Variants in GPR148 observed in about 807,000 individuals in gnomAD.
GPR148 encodes the protein probable G protein-coupled receptor 148.
For missense variants in GPR148, 424 were observed against 435.3 expected (o/e 0.97, Z 0.23); for synonymous variants, 173 against 187.9 (o/e 0.92, Z 0.65).
rs1688447162 is a variant in GPR148 at position 130,729,702 on chromosome 2, T to C, written c.551T>C (p.Ile184Thr). 1.9e-6 allele frequency: 3 copies of C among 1,614,258 alleles called. No homozygotes were observed. The highest frequency in any genetic ancestry group is 1.3e-5 in the African/African-American group (1 of 75,070). The change falls in exon 1 of 1, where the codon ATT (isoleucine) becomes ACT (threonine). Residue 184 changes from isoleucine (I) to threonine (T), a missense_variant. By Grantham distance (89) the Ile-to-Thr change is moderately conservative (BLOSUM62 -1). Transcript: ENST00000309926. ...GCCTGCTGCTTCCCCACATTCCTTA[T>C]TTGGCTCAGCAAGTGGCAGGATGCC... ...LVACCFPTFL[I>T]WLSKWQDAQL...
At position 130,730,065 on chromosome 2, in the gene GPR148, G is replaced by A. The variant is rs988672422; in HGVS notation, c.914G>A (p.Ser305Asn). The change falls in exon 1 of 1, where the codon AGT becomes AAT. Residue 305 changes from serine to asparagine, a missense_variant. Physicochemically the swap from Ser to Asn is conservative, Grantham distance 46 (BLOSUM62 1). Coordinates refer to ENST00000309926, the MANE Select transcript of GPR148 (RefSeq NM_207364.2). ...GTHTWLLAAN[S>N]EVLMMLPRAM... Reference sequence around the variant, plus strand: ...CACACATGGCTCCTGGCAGCTAACAGTGAGGTACTCATGATGCTTCCCCGT... The same window carrying A: ...CACACATGGCTCCTGGCAGCTAACAATGAGGTACTCATGATGCTTCCCCGT... 6.2e-7 allele frequency: 1 copy of A among 1,601,920 alleles called. No individual in the cohort carries two copies. Among genetic ancestry groups the A allele is most frequent in the African/African-American group, 1.3e-5 (1 of 74,762 alleles).
rs78186490 is a variant in GPR148, at chr2:130,729,569, A to G, written c.418A>G (p.Thr140Ala). Residue 140 changes from threonine to alanine, a missense_variant, in exon 1 of 1, where the codon ACC (threonine) becomes GCC (alanine). By Grantham distance (58) the Thr-to-Ala change is moderately conservative (BLOSUM62 0). Transcript: ENST00000309926. ...CTGCACCAGCACCATCCTGTCCTTCACCGCCATTGTGCTGCACACCTACCT... is the reference window on the plus strand; with the variant it reads ...CTGCACCAGCACCATCCTGTCCTTCGCCGCCATTGTGCTGCACACCTACCT... ...AACTSTILSF[T>A]AIVLHTYLAV... 3.1e-6 allele frequency: 5 copies of G among 1,613,876 alleles called. No individual in the cohort carries two copies. The highest frequency in any genetic ancestry group is 4.2e-6 in the Non-Finnish European group (5 of 1,179,966).
chr2:130,729,709 C>T lies in GPR148; in HGVS notation c.558C>T (p.Leu186=), dbSNP rs372992857. The change falls in exon 1 of 1, where the codon CTC becomes CTT. Residue 186 remains leucine, a synonymous_variant. Coordinates refer to ENST00000309926, the MANE Select transcript of GPR148 (RefSeq NM_207364.2). ...ACCFPTFLIW[L]SKWQDAQLEE... is the part of the protein sequence containing the mutation. Reference sequence around the variant, plus strand: ...GCTTCCCCACATTCCTTATTTGGCTCAGCAAGTGGCAGGATGCCCAGCTGG... The same window carrying T: ...GCTTCCCCACATTCCTTATTTGGCTTAGCAAGTGGCAGGATGCCCAGCTGG... 19 of 1,614,264 alleles carry T rather than the reference C, an allele frequency of 1.2e-5. No homozygotes were observed. In the African/African-American group the frequency reaches 2.1e-4, roughly 18 times the overall value.
In GPR148 at chr2:130,729,575, A is replaced by G; in HGVS notation, c.424A>G (p.Ile142Val). ...CTSTILSFTA[I>V]VLHTYLAVIH... ...CAGCACCATCCTGTCCTTCACCGCCATTGTGCTGCACACCTACCTGGCAGT... is the reference window on the plus strand; with the variant it reads ...CAGCACCATCCTGTCCTTCACCGCCGTTGTGCTGCACACCTACCTGGCAGT... Residue 142 changes from isoleucine (I) to valine (V), a missense_variant, in exon 1 of 1, where the codon ATT becomes GTT. Ile to Val is a conservative substitution (Grantham distance 29). Coordinates refer to ENST00000309926, the MANE Select transcript of GPR148 (RefSeq NM_207364.2). 6.2e-7 allele frequency: 1 copy of G among 1,614,134 alleles called. No individual in the cohort carries two copies. The highest frequency in any genetic ancestry group is 8.5e-7 in the Non-Finnish European group (1 of 1,179,996).
chr2:130,729,636 A>C lies in GPR148; in HGVS notation c.485A>C (p.His162Pro). ...HPLRYLSFMS[H>P]GAAWKAVALI... is the part of the protein sequence containing the mutation. The stretch of plus-strand genomic sequence containing the variant: ...CTGCGCTACCTCTCCTTCATGTCCC[A>C]TGGGGCTGCCTGGAAGGCAGTGGCC... The change falls in exon 1 of 1, where the codon CAT (histidine) becomes CCT (proline). Residue 162 changes from histidine to proline, a missense_variant. By Grantham distance (77) the His-to-Pro change is moderately conservative. Coordinates refer to ENST00000309926, the MANE Select transcript of GPR148 (RefSeq NM_207364.2). 1.2e-6 allele frequency: 2 copies of C among 1,614,168 alleles called. No individual in the cohort carries two copies. The highest frequency in any genetic ancestry group is 1.7e-6 in the Non-Finnish European group (2 of 1,180,010).
rs1688439444 is a variant in GPR148, at chr2:130,729,368, A to C, written c.217A>C (p.Thr73Pro). The C allele has an allele frequency of 6.2e-7, 1 of 1,613,988 alleles. No homozygotes were observed. Among genetic ancestry groups the C allele is most frequent in the Admixed American group, 1.7e-5 (1 of 60,000 alleles). ...TLAVSPLLLV[T>P]ILRNQRLRQE... Reference sequence around the variant, plus strand: ...GGCTGTCAGCCCCCTGCTGCTGGTGACCATCCTGCGGAACCAACGGCTGCG... The same window carrying C: ...GGCTGTCAGCCCCCTGCTGCTGGTGCCCATCCTGCGGAACCAACGGCTGCG... The change falls in exon 1 of 1, where the codon ACC becomes CCC. Residue 73 changes from threonine (T) to proline (P), a missense_variant. Physicochemically the swap from Thr to Pro is conservative, Grantham distance 38. Coordinates refer to ENST00000309926, the MANE Select transcript of GPR148 (RefSeq NM_207364.2).
At chr2:130,729,245 GC>G in the GPR148 span, 1 of 1,609,298 alleles carries the variant, frequency 6.2e-7, no homozygotes, top group South Asian at 1.1e-5. Flanking sequence ...GCCCCAAGCA[GC>G]CAGCAACACT....
Position 130,729,684 on chromosome 2 carries a change from G to C in GPR148, c.533G>C (p.Cys178Ser). 6.2e-7 allele frequency: 1 copy of C among 1,614,280 alleles called. No homozygotes were observed. The highest frequency in any genetic ancestry group is 8.5e-7 in the Non-Finnish European group (1 of 1,180,050). Residue 178 changes from cysteine (C) to serine (S), a missense_variant, in exon 1 of 1, where the codon TGC (cysteine) becomes TCC (serine). By Grantham distance (112) the Cys-to-Ser change is moderately radical. Coordinates refer to ENST00000309926, the MANE Select transcript of GPR148 (RefSeq NM_207364.2). ...GCCCTCATCTGGCTGGTGGCCTGCTGCTTCCCCACATTCCTTATTTGGCTC... is the reference window on the plus strand; with the variant it reads ...GCCCTCATCTGGCTGGTGGCCTGCTCCTTCCCCACATTCCTTATTTGGCTC... ...AVALIWLVACCFPTFLIWLSK... is the reference protein window; with the variant it reads ...AVALIWLVACSFPTFLIWLSK...
chr2:130,729,487 T>A lies in GPR148; in HGVS notation c.336T>A (p.Gly112=). The change falls in exon 1 of 1, where the codon GGT becomes GGA. Residue 112 remains glycine (G), a synonymous_variant. Coordinates refer to ENST00000309926, the MANE Select transcript of GPR148 (RefSeq NM_207364.2). The part of the protein sequence containing the change: ...LHMLISSSSL[G]GWELGRMACG... ...TGCTCATCTCCTCCAGCAGCCTGGG[T>A]GGCTGGGAGCTGGGCCGCATGGCCT... The A allele has an allele frequency of 5.0e-6, 8 of 1,614,220 alleles. No homozygotes were observed. The highest frequency in any genetic ancestry group is 6.8e-6 in the Non-Finnish European group (8 of 1,180,024).
At position 130,730,002 on chromosome 2, in the gene GPR148, T is replaced by C; in HGVS notation, c.851T>C (p.Met284Thr). 4 of 1,562,510 alleles carry C rather than the reference T, an allele frequency of 2.6e-6. No homozygotes were observed. The highest frequency in any genetic ancestry group is 3.5e-6 in the Non-Finnish European group (4 of 1,151,904). The change falls in exon 1 of 1, where the codon ATG becomes ACG. Residue 284 changes from methionine to threonine, a missense_variant. Physicochemically the swap from Met to Thr is moderately conservative, Grantham distance 81. Coordinates refer to ENST00000309926, the MANE Select transcript of GPR148 (RefSeq NM_207364.2). ...VSTGVVFSLD[M>T]VLTRYHHIDS... Reference sequence around the variant, plus strand: ...ACAGGGGTGGTGTTCTCCCTGGACATGGTGCTGACCAGGTACCACCACATT... The same window carrying C: ...ACAGGGGTGGTGTTCTCCCTGGACACGGTGCTGACCAGGTACCACCACATT...
In GPR148 at chr2:130,729,981, G is replaced by A; in HGVS notation, c.830G>A (p.Gly277Glu). ...CTGATCACATTGTACGTGAGCACAG[G>A]GGTGGTGTTCTCCCTGGACATGGTG... ...SVLITLYVST[G>E]VVFSLDMVLT... Residue 277 changes from glycine to glutamate, a missense_variant, in exon 1 of 1, where the codon GGG becomes GAG. Physicochemically the swap from Gly to Glu is moderately conservative, Grantham distance 98. Transcript: ENST00000309926. 1 of 1,555,908 alleles carries A rather than the reference G, an allele frequency of 6.4e-7. No homozygotes were observed. The highest frequency in any genetic ancestry group is 1.8e-5 in the Admixed American group (1 of 54,374).
chr2:130,729,259 C>T lies in GPR148; in HGVS notation c.108C>T (p.Ser36=). Residue 36 remains serine, a synonymous_variant, in exon 1 of 1, where the codon TCC becomes TCT. Coordinates refer to ENST00000309926, the MANE Select transcript of GPR148 (RefSeq NM_207364.2). ...PCMPQAASNT[S]LGLGDLRVPS... The stretch of plus-strand genomic sequence containing the variant: ...TGCCCCAAGCAGCCAGCAACACTTC[C>T]TTGGGCCTGGGGGACCTCAGGGTGC... 6.2e-7 allele frequency: 1 copy of T among 1,611,340 alleles called. No homozygotes were observed. The highest frequency in any genetic ancestry group is 8.5e-7 in the Non-Finnish European group (1 of 1,178,158).
chr2:130,729,838 C>T lies in GPR148; in HGVS notation c.687C>T (p.Phe229=), dbSNP rs767557209. 48 of 1,598,108 alleles carry T rather than the reference C, an allele frequency of 3.0e-5. No homozygotes were observed. Among genetic ancestry groups the T allele is most frequent in the African/African-American group, 1.6e-4 (12 of 74,780 alleles). Residue 229 remains phenylalanine, a synonymous_variant, in exon 1 of 1, where the codon TTC becomes TTT. Transcript: ENST00000309926. The part of the protein sequence containing the change: ...VTYTSILCVL[F]LCTALIANCF... ...ACACCTCCATTCTGTGCGTTCTGTT[C>T]CTCTGCACAGCTCTCATTGCCAACT...
chr2:130,730,085 C>A lies in GPR148; in HGVS notation c.934C>A (p.Pro312Thr). 1 of 1,607,098 alleles carries A rather than the reference C, an allele frequency of 6.2e-7. No homozygotes were observed. The highest frequency in any genetic ancestry group is 1.1e-5 in the South Asian group (1 of 89,760). Reference protein sequence around the residue: ...AANSEVLMMLPRAMLTYLYLL... With the variant: ...AANSEVLMMLTRAMLTYLYLL... ...TAACAGTGAGGTACTCATGATGCTTCCCCGTGCCATGCTCACATACCTGTA... is the reference window on the plus strand; with the variant it reads ...TAACAGTGAGGTACTCATGATGCTTACCCGTGCCATGCTCACATACCTGTA... The change falls in exon 1 of 1, where the codon CCC (proline) becomes ACC (threonine). Residue 312 changes from proline to threonine, a missense_variant. Physicochemically the swap from Pro to Thr is conservative, Grantham distance 38 (BLOSUM62 -1). Transcript: ENST00000309926.
At position 130,729,923 on chromosome 2, in the gene GPR148, C is replaced by T. The variant is rs189324809; in HGVS notation, c.772C>T (p.Arg258Trp). Reference sequence around the variant, plus strand: ...AGGCATCTGGGGGCAGGGCTATTCCCGGGCCAGGGGCACCCTGCTGATCCA... The same window carrying T: ...AGGCATCTGGGGGCAGGGCTATTCCTGGGCCAGGGGCACCCTGCTGATCCA... ...TSGIWGQGYSRARGTLLIHSV... is the reference protein window; with the variant it reads ...TSGIWGQGYSWARGTLLIHSV... Residue 258 changes from arginine (R) to tryptophan (W), a missense_variant, in exon 1 of 1, where the codon CGG becomes TGG. Arg to Trp is a moderately radical substitution (Grantham distance 101). Coordinates refer to ENST00000309926, the MANE Select transcript of GPR148 (RefSeq NM_207364.2). The T allele has an allele frequency of 3.8e-6, 6 of 1,576,794 alleles. No homozygotes were observed. The highest frequency in any genetic ancestry group is 2.2e-5 in the East Asian group (1 of 44,654).
In GPR148 at chr2:130,729,202, C is replaced by T. The variant is rs374505297; in HGVS notation, c.51C>T (p.Ala17=). The T allele has an allele frequency of 2.5e-6, 4 of 1,576,870 alleles. No homozygotes were observed. Among genetic ancestry groups the T allele is most frequent in the Non-Finnish European group, 3.5e-6 (4 of 1,158,962 alleles). The change falls in exon 1 of 1, where the codon GCC becomes GCT. Residue 17 remains alanine, a synonymous_variant. Coordinates refer to ENST00000309926, the MANE Select transcript of GPR148 (RefSeq NM_207364.2). ...PCPVGTTAWP[A]LIQLISKTPC... ...CTGTGGGCACTACAGCTTGGCCGGC[C>T]CTGATCCAGCTCATCAGCAAGACAC...
In GPR148 at chr2:130,729,578, G is replaced by C. The variant is rs1688445096; in HGVS notation, c.427G>C (p.Val143Leu). 1.9e-6 allele frequency: 3 copies of C among 1,614,162 alleles called. No homozygotes were observed. The highest frequency in any genetic ancestry group is 2.5e-6 in the Non-Finnish European group (3 of 1,179,998). Residue 143 changes from valine to leucine, a missense_variant, in exon 1 of 1, where the codon GTG (valine) becomes CTG (leucine). Val to Leu is a conservative substitution (Grantham distance 32). Coordinates refer to ENST00000309926, the MANE Select transcript of GPR148 (RefSeq NM_207364.2). ...TSTILSFTAI[V>L]LHTYLAVIHP... The stretch of plus-strand genomic sequence containing the variant: ...CACCATCCTGTCCTTCACCGCCATT[G>C]TGCTGCACACCTACCTGGCAGTCAT...
rs1558956068 is a variant in GPR148, at chr2:130,729,268, G to T, written c.117G>T (p.Leu39=). The T allele has an allele frequency of 3.1e-6, 5 of 1,611,726 alleles. No individual in the cohort carries two copies. The highest frequency in any genetic ancestry group is 4.2e-6 in the Non-Finnish European group (5 of 1,178,390). ...PQAASNTSLG[L]GDLRVPSSML... ...CAGCCAGCAACACTTCCTTGGGCCTGGGGGACCTCAGGGTGCCCAGCTCCA... is the reference window on the plus strand; with the variant it reads ...CAGCCAGCAACACTTCCTTGGGCCTTGGGGACCTCAGGGTGCCCAGCTCCA... Residue 39 remains leucine, a synonymous_variant, in exon 1 of 1, where the codon CTG becomes CTT. Transcript: ENST00000309926.
chr2:130,729,952 A>C lies in GPR148; in HGVS notation c.801A>C (p.Ser267=). 6.4e-7 allele frequency: 1 copy of C among 1,560,376 alleles called. No individual in the cohort carries two copies. Among genetic ancestry groups the C allele is most frequent in the Non-Finnish European group, 8.7e-7 (1 of 1,152,170 alleles). Residue 267 remains serine, a synonymous_variant, in exon 1 of 1, where the codon TCA becomes TCC. Coordinates refer to ENST00000309926, the MANE Select transcript of GPR148 (RefSeq NM_207364.2). ...SRARGTLLIH[S]VLITLYVSTG... is the part of the protein sequence containing the mutation. ...CCAGGGGCACCCTGCTGATCCACTC[A>C]GTGCTGATCACATTGTACGTGAGCA...
Sources: allele counts gnomAD v4.1 joint callset, GRCh38; gene constraint gnomAD v4.1.1; transcripts MANE v1.5; gene names NCBI Gene and HGNC (gene_info 2026-07-23, HGNC 2026-07-21).